Variants in USP8 observed in about 807,000 individuals in gnomAD.
The protein encoded by USP8 is ubiquitin carboxyl-terminal hydrolase 8.
A neutral mutation model predicts 130.0 loss-of-function variants in USP8; 27 were observed. The observed-to-expected ratio is 0.21, with a 90% CI of 0.15 to 0.29. The LOEUF is 0.29. USP8 is among the 10% of genes least tolerant of loss of function. The pLI is 1.00. For synonymous variants in USP8, 392 were observed against 444.1 expected (o/e 0.88, Z 1.48); for missense variants, 1,029 against 1,312.2 (o/e 0.78, Z 3.33).
chr15:50,465,213 T>C (rs1300528154), intron 7 of USP8, 22 bp downstream of exon 7: 1 of 1,608,180 alleles, frequency 6.2e-7, no homozygotes, highest in South Asian at 1.1e-5. Context: ...TGTAGTAAAG[T>C]AGTAAACTGT....
intron 4 of USP8, among the ~76,000 whole-genome samples, chr15:50,450,523 G>C (rs1446980614): frequency 7.3e-6 from 1 of 137,328 alleles, no homozygotes; most frequent in Admixed American, 7.8e-5. Flanking sequence ...CCAGGCTGGA[G>C]TACAATGGCC....
At chr15:50,433,253 T>G (rs887217396) in intron 1 of USP8, among the ~76,000 whole-genome samples, 11 of 152,112 alleles carry the variant, frequency 7.2e-5, no homozygotes, top group African/African-American at 2.7e-4. Flanking sequence ...AAAAAGTTAT[T>G]TAATCAATAC....
intron 1 of USP8, among the ~76,000 whole-genome samples, chr15:50,431,349 A>G (rs966211854): frequency 1.1e-4 from 17 of 152,066 alleles, no homozygotes; most frequent in African/African-American, 4.1e-4. Flanking sequence ...TAATTTGACC[A>G]TCTTGAGATA....
Position 50,499,352 on chromosome 15 carries a change from G to C in USP8, c.*264G>C. ...AAAGTTAAAATAATTAACTAGCTAA[G>C]CATTATTATTCGACTGGTCTAAAAA... On this transcript the variant is annotated 3_prime_UTR_variant, in exon 20 of 20. Transcript: ENST00000307179. The C allele has an allele frequency of 3.4e-6, 1 of 293,966 alleles. No homozygotes were observed. The highest frequency in any genetic ancestry group is 6.2e-6 in the Non-Finnish European group (1 of 160,312). The allele number at this position is 293,966 out of a possible 1,614,324, so 18.2% of individuals were successfully genotyped here.
At position 50,499,529 on chromosome 15, in the gene USP8, G is replaced by T. The variant is rs2052537548; in HGVS notation, c.*441G>T. 6.6e-6 allele frequency: 1 copy of T among 152,260 alleles called. No homozygotes were observed. Among genetic ancestry groups the T allele is most frequent in the Non-Finnish European group, 1.5e-5 (1 of 68,196 alleles). The allele number at this position is 152,260 out of a possible 1,614,324, so 9.4% of individuals were successfully genotyped here. On this transcript the variant is annotated 3_prime_UTR_variant, in exon 20 of 20. Coordinates refer to ENST00000307179, the MANE Select transcript of USP8 (RefSeq NM_005154.5). ...TTGCATACTTGCACATCAAATCGATGTACATAGTTTAACACGTGGTCCTTT... is the reference window on the plus strand; with the variant it reads ...TTGCATACTTGCACATCAAATCGATTTACATAGTTTAACACGTGGTCCTTT...
Position 50,465,184 on chromosome 15 carries a change from A to G in USP8, c.679A>G (p.Ser227Gly), listed in dbSNP as rs775862620. 6.2e-7 allele frequency: 1 copy of G among 1,613,556 alleles called. No individual in the cohort carries two copies. Among genetic ancestry groups the G allele is most frequent in the Non-Finnish European group, 8.5e-7 (1 of 1,179,670 alleles). Residue 227 changes from serine to glycine, a missense_variant, in exon 7 of 20, where the codon AGT becomes GGT. By Grantham distance (56) the Ser-to-Gly change is moderately conservative. Transcript: ENST00000307179. The part of the protein sequence containing the change: ...HSLSVPEEAI[S>G]PGVTASWIEA... ...TCTCAGTGTTCCTGAAGAAGCCATCAGTCCAGGGTGGGTTATTGTGTAGTA... is the reference window on the plus strand; with the variant it reads ...TCTCAGTGTTCCTGAAGAAGCCATCGGTCCAGGGTGGGTTATTGTGTAGTA...
intron 12 of USP8, among the ~76,000 whole-genome samples, chr15:50,484,623 A>T (rs914338646): frequency 6.6e-6 from 1 of 152,226 alleles, no homozygotes; most frequent in Non-Finnish European, 1.5e-5. Flanking sequence ...AGGCCTTACC[A>T]TATGATCCAG....
intron 1 of USP8, among the ~76,000 whole-genome samples, chr15:50,436,774 A>G (rs150654928): frequency 6.6e-6 from 1 of 152,212 alleles, no homozygotes; most frequent in East Asian, 1.9e-4. Context: ...GGTTCAAGCA[A>G]TTCTCCTGCC....
In USP8 at chr15:50,499,234, C is replaced by T. The variant is rs929812136; in HGVS notation, c.*146C>T. On this transcript the variant is annotated 3_prime_UTR_variant, in exon 20 of 20. Transcript: ENST00000307179. ...CTGTGTTACTAGCACTATATAATTC[C>T]GGTCAGTGCTGACAAATAACATTTA... is the stretch of plus-strand genomic sequence containing the variant. 1.9e-5 allele frequency: 13 copies of T among 668,454 alleles called. No homozygotes were observed. The highest frequency in any genetic ancestry group is 6.0e-5 in the East Asian group (2 of 33,222). 41.4% of individuals were successfully genotyped at this position (668,454 alleles called of 1,614,324 possible).
chr15:50,493,716 C>T, intron 15 of USP8: 6 of 377,838 alleles, frequency 1.6e-5, no homozygotes, highest in South Asian at 1.2e-4. Flanking sequence ...CTATACTCCA[C>T]CAGCCTGGGT....
chr15:50,427,209 T>C (rs1221024767), intron 1 of USP8, among the ~76,000 whole-genome samples: 1 of 152,204 alleles, frequency 6.6e-6, no homozygotes, highest in Non-Finnish European at 1.5e-5. Context: ...GTGCTGGAAT[T>C]ACAGGCGTGA....
At position 50,500,277 on chromosome 15, in the gene USP8, G is replaced by A. The variant is rs1158926057; in HGVS notation, c.*1189G>A. 2.6e-5 allele frequency: 4 copies of A among 153,334 alleles called. No individual in the cohort carries two copies. The East Asian group carries it at 5.7e-4, about 22-fold the overall frequency. The allele number at this position is 153,334 out of a possible 1,614,324, so 9.5% of individuals were successfully genotyped here. ...TTCAAATCATATTCTTAAACTCATC[G>A]AGCCATTTGAACAAAAATTATTTTT... is the stretch of plus-strand genomic sequence containing the variant. On this transcript the variant is annotated 3_prime_UTR_variant, in exon 20 of 20. Coordinates refer to ENST00000307179, the MANE Select transcript of USP8 (RefSeq NM_005154.5).
At chr15:50,493,851 G>A (rs563350531) in intron 15 of USP8, 2 of 689,992 alleles carry the variant, frequency 2.9e-6, no homozygotes, top group African/African-American at 3.5e-5. Flanking sequence ...TTGATGATGA[G>A]GAGACCATGC....
chr15:50,473,824 T>TTTTAA (rs1012105128), intron 8 of USP8, among the ~76,000 whole-genome samples: 12 of 150,896 alleles, frequency 8.0e-5, no homozygotes, highest in Non-Finnish European at 1.5e-4. Flanking sequence ...ATATATATTT[T>TTTTAA]TTTAATTTAA....
chr15:50,437,686 C>A (rs1054948433), intron 1 of USP8, among the ~76,000 whole-genome samples: 4 of 152,208 alleles, frequency 2.6e-5, no homozygotes, highest in Admixed American at 6.5e-5. Context: ...CCCAGGGGAA[C>A]CCTGTCATAC....
intron 3 of USP8, 93 bp from the exon 4 acceptor site, chr15:50,449,307 T>C (rs2050539655): frequency 2.9e-6 from 2 of 698,818 alleles, no homozygotes; most frequent in Admixed American, 3.7e-5. Flanking sequence ...AAACTTCCCT[T>C]TATATAAGCA....
At chr15:50,434,810 A>G (rs972415349) in intron 1 of USP8, among the ~76,000 whole-genome samples, 2 of 151,888 alleles carry the variant, frequency 1.3e-5, no homozygotes, top group African/African-American at 4.8e-5. Context: ...AATAGAGATG[A>G]GGTTTCACCA....
intron 2 of USP8, among the ~76,000 whole-genome samples, chr15:50,439,888 T>C (rs2050200783): frequency 1.3e-5 from 2 of 151,552 alleles, no homozygotes; most frequent in Non-Finnish European, 2.9e-5. Context: ...AGGAGTTCGA[T>C]ACCAGCCTCG....
chr15:50,465,442 G>A (rs1327763465), intron 7 of USP8, among the ~76,000 whole-genome samples: 1 of 152,066 alleles, frequency 6.6e-6, no homozygotes, highest in Non-Finnish European at 1.5e-5. Flanking sequence ...GAGAGTGAGG[G>A]GTGCCCAAGT....
Sources: allele counts gnomAD v4.1 joint callset (sites outside exome capture counted in the v4.1 genomes callset), GRCh38; gene constraint gnomAD v4.1.1; transcripts MANE v1.5; gene names NCBI Gene and HGNC (gene_info 2026-07-23, HGNC 2026-07-21).